The following ZNF385D variants were observed in gnomAD, a reference collection of about 807,000 sequenced individuals.
ZNF385D encodes zinc finger protein 659.
A neutral mutation model predicts 35.8 loss-of-function variants in ZNF385D; 15 were observed. The observed-to-expected ratio is 0.42, with a 90% CI of 0.28 to 0.64. The LOEUF (loss-of-function observed/expected upper bound fraction) is 0.64. ZNF385D is among the 30% of genes least tolerant of loss of function. The probability of loss-of-function intolerance (pLI) is 0.23; values close to 1 mark genes in which losing one functional copy is unlikely to be tolerated. For synonymous variants in ZNF385D, 212 were observed against 186.8 expected (o/e 1.13, Z -1.10); for missense variants, 474 against 494.6 (o/e 0.96, Z 0.39).
chr3:21,728,056 T>C (rs1352641327), intron 1 of ZNF385D, among the ~76,000 whole-genome samples: 1 of 152,056 alleles, frequency 6.6e-6, no homozygotes. Flanking sequence ...AAACACCGCA[T>C]GTTCTCACTC....
At position 21,862,179 on chromosome 3, in the gene ZNF385D, A is replaced by C. The variant is rs543799941; in HGVS notation, c.326-197151T>G. On this transcript the variant is annotated intron_variant, in intron 3 of 5. Coordinates refer to the ZNF385D transcript ENST00000494108. ...ATTGATATCAAATTCTTTTGATAAGATATTGTAGAATACCTTAACTCATAG... is the reference window on the plus strand; with the variant it reads ...ATTGATATCAAATTCTTTTGATAAGCTATTGTAGAATACCTTAACTCATAG... 1.4e-4 allele frequency among the ~76,000 whole-genome samples: 21 copies of C among 152,222 alleles called. No homozygotes were observed. In the South Asian group the frequency reaches 2.9e-3, roughly 21 times the overall value.
chr3:21,612,433 A>G (rs1483682065), intron 2 of ZNF385D, among the ~76,000 whole-genome samples: 5 of 152,092 alleles, frequency 3.3e-5, no homozygotes, highest in Admixed American at 2.6e-4. Flanking sequence ...AGATAAAGAA[A>G]CTAAAAATCA....
At chr3:22,129,889 T>C (rs1053436469) in intron 3 of ZNF385D, among the ~76,000 whole-genome samples, 7 of 152,112 alleles carry the variant, frequency 4.6e-5, no homozygotes, top group African/African-American at 1.7e-4. Flanking sequence ...AAGGAGTCTC[T>C]TCTTATGGTC....
intron 3 of ZNF385D, among the ~76,000 whole-genome samples, chr3:21,970,380 A>T (rs2125338947): frequency 6.6e-6 from 1 of 151,384 alleles, no homozygotes; most frequent in South Asian, 2.1e-4. Context: ...ATAATTTAAA[A>T]TAATCAAGCA....
chr3:21,786,745 T>A (rs2336051), intron 3 of ZNF385D, among the ~76,000 whole-genome samples: 85,836 of 152,018 alleles, frequency 0.56, 26,065 homozygotes, highest in Non-Finnish European at 0.69. Context: ...AGCATTATGC[T>A]TTTGCCATGT....
intron 4 of ZNF385D, among the ~76,000 whole-genome samples, chr3:21,498,766 A>AC (rs1436037432): frequency 6.6e-6 from 1 of 151,730 alleles, no homozygotes; most frequent in East Asian, 1.9e-4. Context: ...TCATGGTGAA[A>AC]CCCCGTCTCT....
At chr3:21,522,332 C>T (rs1707959455) in intron 3 of ZNF385D, among the ~76,000 whole-genome samples, 4 of 151,820 alleles carry the variant, frequency 2.6e-5, no homozygotes, top group Admixed American at 2.6e-4. Flanking sequence ...GAAAGCATTG[C>T]TTTTGTTTTA....
chr3:22,311,052 A>G (rs1575093631), intron 2 of ZNF385D, among the ~76,000 whole-genome samples: 1 of 151,928 alleles, frequency 6.6e-6, no homozygotes, highest in East Asian at 1.9e-4. Flanking sequence ...TGAATAAGGA[A>G]TGACTAGAAG....
At chr3:21,684,453 G>A (rs888259643) in intron 1 of ZNF385D, among the ~76,000 whole-genome samples, 9 of 102,368 alleles carry the variant, frequency 8.8e-5, no homozygotes, top group African/African-American at 2.7e-4. Flanking sequence ...TCTTTCTTTC[G>A]TAGCTTTACA....
intron 3 of ZNF385D, among the ~76,000 whole-genome samples, chr3:21,807,470 G>A (rs574634729): frequency 6.6e-6 from 1 of 152,132 alleles, no homozygotes; most frequent in South Asian, 2.1e-4. Flanking sequence ...AAAGTAAAGA[G>A]AAAACCAACA....
intron 2 of ZNF385D, among the ~76,000 whole-genome samples, chr3:21,664,410 G>A (rs1296400092): frequency 6.6e-6 from 1 of 152,160 alleles, no homozygotes; most frequent in Non-Finnish European, 1.5e-5. Flanking sequence ...TAAGTTAATG[G>A]TGGGAAGAAA....
chr3:22,308,022 C>G (rs969073221), intron 2 of ZNF385D, among the ~76,000 whole-genome samples: 1 of 152,038 alleles, frequency 6.6e-6, no homozygotes, highest in Non-Finnish European at 1.5e-5. Flanking sequence ...TAATTTAGGT[C>G]TCTAGACAGC....
chr3:22,121,186 C>A (rs1703070996), intron 3 of ZNF385D, among the ~76,000 whole-genome samples: 1 of 152,150 alleles, frequency 6.6e-6, no homozygotes, highest in African/African-American at 2.4e-5. Flanking sequence ...CTTCCTCTTT[C>A]ACTTACTTCT....
intron 1 of ZNF385D, among the ~76,000 whole-genome samples, chr3:21,741,000 T>C (rs1321083675): frequency 6.6e-6 from 1 of 152,152 alleles, no homozygotes; most frequent in Non-Finnish European, 1.5e-5. Context: ...CCACTGATGT[T>C]CCCCTTAAGG....
rs560050224 is a variant in ZNF385D at position 21,702,461 on chromosome 3, G to A, written c.23-37433C>T. 3.9e-5 allele frequency among the ~76,000 whole-genome samples: 6 copies of A among 152,336 alleles called. No homozygotes were observed. The East Asian group carries it at 1.2e-3, about 29-fold the overall frequency. ...TCCTGGGCCTCCAGGCCTGTGATGG[G>A]AGGGGCTGCTGTGAAGGTCTCTGAC... is the stretch of plus-strand genomic sequence containing the variant. On this transcript the variant is annotated intron_variant, in intron 1 of 7. Coordinates refer to ENST00000281523, the MANE Select transcript of ZNF385D (RefSeq NM_024697.3).
intron 2 of ZNF385D, among the ~76,000 whole-genome samples, chr3:22,216,941 G>A (rs754302104): frequency 6.6e-6 from 1 of 152,084 alleles, no homozygotes; most frequent in African/African-American, 2.4e-5. Context: ...AATCAACACT[G>A]GAGAGAGAAG....
chr3:22,120,183 A>G (rs1319593074), intron 3 of ZNF385D, among the ~76,000 whole-genome samples: 1 of 151,882 alleles, frequency 6.6e-6, no homozygotes, highest in Non-Finnish European at 1.5e-5. Context: ...TTAGTTTACT[A>G]GGGCTGCCAC....
rs1343922899 is a variant in ZNF385D at position 22,279,484 on chromosome 3, TATGGAATATAC to T, written c.106+92955_106+92965del. Among the ~76,000 whole-genome samples, 15 of 120,676 alleles carry T rather than the reference TATGGAATATAC, an allele frequency of 1.2e-4. No homozygotes were observed. In the East Asian group the frequency reaches 1.4e-3, roughly 11 times the overall value. 79.2% of individuals were successfully genotyped at this position (120,676 alleles called of 152,430 possible). ...TAGTATTCCACAGTATATATATATA[TATGGAATATAC>T]ATATGTACATATATATGTATATACA... On this transcript the variant is annotated intron_variant, in intron 2 of 5. Transcript: ENST00000494108.
intron 3 of ZNF385D, among the ~76,000 whole-genome samples, chr3:22,090,050 G>A (rs1169242949): frequency 6.6e-6 from 1 of 152,114 alleles, no homozygotes; most frequent in African/African-American, 2.4e-5. Context: ...ATGTTGGCCA[G>A]GATGGTCTTG....
Sources: gnomAD v4.1 joint callset for allele counts (sites outside exome capture counted in the v4.1 genomes callset) on GRCh38, gnomAD v4.1.1 for gene constraint, MANE v1.5 for transcripts, NCBI Gene and HGNC (gene_info 2026-07-23, HGNC 2026-07-21) for gene names.